Variants in STAU1 observed in about 807,000 individuals in gnomAD.
STAU1 encodes the protein staufen double-stranded RNA binding protein 1.
Under a neutral mutation model 62.9 loss-of-function variants are expected in STAU1, and 13 were observed. The ratio of observed to expected loss-of-function variants is 0.21; its 90% confidence interval spans 0.13 to 0.33. The LOEUF is 0.33. STAU1 is among the 10% of genes least tolerant of loss of function. The pLI, the probability that STAU1 is intolerant of heterozygous loss-of-function variation, is 1.00. For missense variants in STAU1, 571 were observed against 712.1 expected, an observed-to-expected ratio of 0.80 and a Z score of 2.25; for synonymous variants, 269 against 265.1, an observed-to-expected ratio of 1.01 and a Z score of -0.14.
chr20:49,202,075 C>T, the STAU1 span, among the ~76,000 whole-genome samples: 1 of 150,166 alleles, frequency 6.7e-6, no homozygotes, highest in Non-Finnish European at 1.5e-5. Context: ...AAAAAATTAG[C>T]TGGGCATGGT....
At chr20:49,150,519 G>A (rs551829387) in intron 5 of STAU1, among the ~76,000 whole-genome samples, 6 of 152,006 alleles carry the variant, frequency 3.9e-5, no homozygotes, top group Non-Finnish European at 7.4e-5. Context: ...CCACCACCAC[G>A]CCCGGCGAAT....
At position 49,122,971 on chromosome 20, in the gene STAU1, GGC is replaced by G. The variant is rs1173235416; in HGVS notation, c.966+119_966+120del. 3.1e-6 allele frequency: 3 copies of G among 961,706 alleles called. No individual in the cohort carries two copies. The African/African-American group carries it at 5.1e-5, about 16-fold the overall frequency. 59.6% of individuals were successfully genotyped at this position (961,706 alleles called of 1,614,324 possible). On this transcript the variant is annotated intron_variant, in intron 8 of 13. Coordinates refer to ENST00000371856, the MANE Select transcript of STAU1 (RefSeq NM_017453.4). ...TAAATAAATAAGGATCACAGTCGCT[GGC>G]AGAACATGGCCCACAGGATCCAGCC... is the stretch of plus-strand genomic sequence containing the variant.
chr20:49,163,061 G>A (rs886149886), intron 3 of STAU1, among the ~76,000 whole-genome samples: 8 of 152,068 alleles, frequency 5.3e-5, no homozygotes, highest in South Asian at 2.1e-4. Context: ...GCATGGTGGC[G>A]TGTGCCTATA....
chr20:49,189,201 C>CA (rs545643816), upstream of STAU1, among the ~76,000 whole-genome samples: 23 of 33,622 alleles, frequency 6.8e-4, 5 homozygotes, highest in East Asian at 3.3e-3. Flanking sequence ...ACACTGGTCT[C>CA]AAAAAAAAAA....
Position 49,185,991 on chromosome 20 carries a change from G to A in STAU1, c.-160+2125C>T, listed in dbSNP as rs373734315. Among the ~76,000 whole-genome samples the A allele has an allele frequency of 4.8e-3, 723 of 151,862 alleles. 3 individuals carry two copies. The highest frequency in any genetic ancestry group is 0.016 in the African/African-American group (682 of 41,466). On this transcript the variant is annotated intron_variant, in intron 1 of 13. Coordinates refer to ENST00000371856, the MANE Select transcript of STAU1 (RefSeq NM_017453.4). ...GGAGTAGCTGGGACTGCAGGCGCCC[G>A]CCACCACACCAGGCTCAAGAGATAG...
At position 49,118,424 on chromosome 20, in the gene STAU1, G is replaced by GA. The variant is rs747848912; in HGVS notation, c.1114-17dup. 9,510 of 1,339,424 alleles carry GA rather than the reference G, an allele frequency of 7.1e-3. 2 individuals carry two copies. Among genetic ancestry groups the GA allele is most frequent in the African/African-American group, 0.011 (687 of 65,166 alleles). The allele number at this position is 1,339,424 out of a possible 1,614,324, so 83.0% of individuals were successfully genotyped here. On this transcript the variant is annotated splice_polypyrimidine_tract_variant and intron_variant, in intron 9 of 13. Coordinates refer to ENST00000371856, the MANE Select transcript of STAU1 (RefSeq NM_017453.4). ...TTATGGGTGTCTTAAAAAAGAAGAA[G>GA]AAAAAAAAAAGGCCATGAGCATAAA...
chr20:49,134,389 C>A, intron 6 of STAU1: 1 of 497,890 alleles, frequency 2.0e-6, no homozygotes, highest in Non-Finnish European at 3.6e-6. Flanking sequence ...CGAGAACACA[C>A]CATTGCACTA....
chr20:49,138,132 A>T (rs546073320), intron 5 of STAU1, among the ~76,000 whole-genome samples: 2 of 152,176 alleles, frequency 1.3e-5, no homozygotes, highest in Admixed American at 1.3e-4. Context: ...AAAAATACAA[A>T]TATTAGCAGG....
At chr20:49,163,560 G>C (rs537419287) in intron 3 of STAU1, among the ~76,000 whole-genome samples, 160 of 151,398 alleles carry the variant, frequency 1.1e-3, no homozygotes, top group Non-Finnish European at 1.5e-3. Flanking sequence ...CAAGTAGCTG[G>C]GAATATAGGC....
chr20:49,185,334 G>C (rs1010558662), intron 1 of STAU1, among the ~76,000 whole-genome samples: 1 of 152,186 alleles, frequency 6.6e-6, no homozygotes, highest in African/African-American at 2.4e-5. Context: ...GTATTTGTTC[G>C]CTTTTCAATT....
At chr20:49,187,785 C>CT (rs1164545860) in intron 1 of STAU1, among the ~76,000 whole-genome samples, 81 of 151,042 alleles carry the variant, frequency 5.4e-4, no homozygotes, top group African/African-American at 1.8e-3. Flanking sequence ...CCCCCCCCCC[C>CT]CCCGCCTGCG....
chr20:49,146,436 TCATG>T (rs1465116333), intron 5 of STAU1, among the ~76,000 whole-genome samples: 2 of 152,082 alleles, frequency 1.3e-5, no homozygotes, highest in Admixed American at 6.5e-5. Context: ...TTACGGTGGC[TCATG>T]CCTGTAATCC....
chr20:49,214,575 T>C, the STAU1 span, among the ~76,000 whole-genome samples: 1 of 150,520 alleles, frequency 6.6e-6, no homozygotes, highest in Non-Finnish European at 1.5e-5. Flanking sequence ...TAGGAGATAA[T>C]GTCTAGATCT....
chr20:49,164,098 C>A (rs1264679960), intron 3 of STAU1, among the ~76,000 whole-genome samples: 3 of 151,978 alleles, frequency 2.0e-5, no homozygotes, highest in Non-Finnish European at 2.9e-5. Flanking sequence ...AGCGTAGTGG[C>A]AGGCACCTGT....
chr20:49,216,402 C>T, the STAU1 span, among the ~76,000 whole-genome samples: 1 of 152,116 alleles, frequency 6.6e-6, no homozygotes, highest in East Asian at 1.9e-4. Context: ...GTGGCGGGTG[C>T]CTGTAATCCC....
At chr20:49,133,591 T>C (rs976780678) in intron 6 of STAU1, among the ~76,000 whole-genome samples, 4 of 152,132 alleles carry the variant, frequency 2.6e-5, no homozygotes, top group African/African-American at 7.2e-5. Flanking sequence ...GAATGTCCCC[T>C]GTCTCATTCC....
chr20:49,144,569 A>C (rs1193381101), intron 5 of STAU1, among the ~76,000 whole-genome samples: 1 of 152,134 alleles, frequency 6.6e-6, no homozygotes, highest in East Asian at 1.9e-4. Context: ...CTGATTTGTT[A>C]ATCATCAGAA....
At chr20:49,171,684 C>A in intron 2 of STAU1, among the ~76,000 whole-genome samples, 1 of 152,232 alleles carries the variant, frequency 6.6e-6, no homozygotes, top group East Asian at 1.9e-4. Flanking sequence ...ACCATTACTT[C>A]TCCCTCCCAG....
At chr20:49,156,098 ATT>A (rs2093352988) in intron 3 of STAU1, among the ~76,000 whole-genome samples, 1 of 152,144 alleles carries the variant, frequency 6.6e-6, no homozygotes, top group South Asian at 2.1e-4. Flanking sequence ...CATTTTTCTC[ATT>A]CTTTTTAATA....
Sources: gnomAD v4.1 joint callset for allele counts (sites outside exome capture counted in the v4.1 genomes callset) on GRCh38, gnomAD v4.1.1 for gene constraint, MANE v1.5 for transcripts, NCBI Gene and HGNC (gene_info 2026-07-23, HGNC 2026-07-21) for gene names.